Variants in PLCB1 observed in about 807,000 individuals in gnomAD.
PLCB1 encodes the protein phospholipase C beta 1.
Under a neutral mutation model 161.8 loss-of-function variants are expected in PLCB1, and 46 were observed. That is an observed-to-expected ratio of 0.28 (90% CI 0.22 to 0.36). PLCB1 has a LOEUF of 0.36. PLCB1 is among the 10% of genes least tolerant of loss of function. The pLI, the probability that PLCB1 is intolerant of heterozygous loss-of-function variation, is 1.00. For synonymous variants in PLCB1, 517 were observed against 503.7 expected (o/e 1.03, Z -0.35); for missense variants, 1,016 against 1,472.5 (o/e 0.69, Z 5.07).
At chr20:8,236,987 GA>G (rs1187498792) in intron 2 of PLCB1, among the ~76,000 whole-genome samples, 1 of 152,028 alleles carries the variant, frequency 6.6e-6, no homozygotes, top group Non-Finnish European at 1.5e-5. Context: ...TGACAGTGGG[GA>G]GGTTAAATAC....
chr20:8,714,119 A>C (rs1979170684), intron 12 of PLCB1, among the ~76,000 whole-genome samples: 1 of 152,042 alleles, frequency 6.6e-6, no homozygotes, highest in South Asian at 2.1e-4. Context: ...AATCAATCGC[A>C]GTGGTTTTCA....
intron 2 of PLCB1, among the ~76,000 whole-genome samples, chr20:8,271,601 T>C (rs1349136438): frequency 6.6e-6 from 1 of 152,122 alleles, no homozygotes; most frequent in Non-Finnish European, 1.5e-5. Flanking sequence ...GTAGCACATA[T>C]ATAATAGCTG....
At chr20:8,881,089 C>T (rs1473791020) in intron 31 of PLCB1, 2 of 169,210 alleles carry the variant, frequency 1.2e-5, no homozygotes, top group Admixed American at 5.7e-5. Flanking sequence ...TGGTCTTAAA[C>T]TCCTGACCTC....
intron 2 of PLCB1, among the ~76,000 whole-genome samples, chr20:8,242,481 C>T (rs1332503317): frequency 6.6e-6 from 1 of 151,926 alleles, no homozygotes; most frequent in Non-Finnish European, 1.5e-5. Context: ...CTAAGGAGTA[C>T]TTAAAGGCCA....
chr20:8,240,300 ACACACG>A (rs1395234313), intron 2 of PLCB1, among the ~76,000 whole-genome samples: 2 of 117,292 alleles, frequency 1.7e-5, no homozygotes, highest in Non-Finnish European at 3.8e-5. Flanking sequence ...ACACACACAC[ACACACG>A]CACACACACA....
chr20:8,728,005 G>A (rs1426078135), intron 17 of PLCB1, among the ~76,000 whole-genome samples: 1 of 151,948 alleles, frequency 6.6e-6, no homozygotes, highest in Non-Finnish European at 1.5e-5. Context: ...ATCACAAAGT[G>A]CTCAATTTCA....
At position 8,458,554 on chromosome 20, in the gene PLCB1, C is replaced by T. The variant is rs139710469; in HGVS notation, c.246+87104C>T. On this transcript the variant is annotated intron_variant, in intron 3 of 31. Coordinates refer to ENST00000338037, the MANE Select transcript of PLCB1 (RefSeq NM_015192.4). ...CATACTTCTTTGCAACAAGAAATTG[C>T]CCAGGCCTTCACTCTTAACCACTAT... Among the ~76,000 whole-genome samples the T allele has an allele frequency of 2.1e-3, 314 of 152,282 alleles. 5 individuals carry two copies. In the East Asian group the frequency reaches 0.052, roughly 25 times the overall value.
chr20:8,873,450 ACATT>A (rs1987674112), intron 31 of PLCB1, among the ~76,000 whole-genome samples: 2 of 152,164 alleles, frequency 1.3e-5, no homozygotes, highest in Admixed American at 1.3e-4. Context: ...ACTGTATCCC[ACATT>A]CAGAGTTCTA....
rs367812606 is a variant in PLCB1, at chr20:8,492,172, A to C, written c.246+120722A>C. Reference sequence around the variant, plus strand: ...AGTTTTAATAAATGGTTGCTTTGCCAACCATTTTTTTTTTTTCAACCAGCC... The same window carrying C: ...AGTTTTAATAAATGGTTGCTTTGCCCACCATTTTTTTTTTTTCAACCAGCC... On this transcript the variant is annotated intron_variant, in intron 3 of 31. Coordinates refer to ENST00000338037, the MANE Select transcript of PLCB1 (RefSeq NM_015192.4). 9.7e-5 allele frequency among the ~76,000 whole-genome samples: 14 copies of C among 144,818 alleles called. No homozygotes were observed. The East Asian group carries it at 2.7e-3, about 28-fold the overall frequency.
intron 18 of PLCB1, among the ~76,000 whole-genome samples, chr20:8,730,197 G>C (rs556185514): frequency 6.6e-6 from 1 of 151,896 alleles, no homozygotes; most frequent in Admixed American, 6.6e-5. Flanking sequence ...TGGTTTACTT[G>C]TATGATTACA....
intron 24 of PLCB1, among the ~76,000 whole-genome samples, chr20:8,759,644 G>A (rs777567945): frequency 3.3e-5 from 5 of 152,056 alleles, no homozygotes; most frequent in Non-Finnish European, 5.9e-5. Context: ...GGGATTACAG[G>A]CGTGCACCAT....
At chr20:8,265,450 A>T (rs915743427) in intron 2 of PLCB1, among the ~76,000 whole-genome samples, 1 of 152,186 alleles carries the variant, frequency 6.6e-6, no homozygotes, top group African/African-American at 2.4e-5. Flanking sequence ...GATCATGTCT[A>T]ACTGAACACA....
intron 3 of PLCB1, among the ~76,000 whole-genome samples, chr20:8,384,714 T>G (rs900359342): frequency 6.6e-6 from 1 of 152,184 alleles, no homozygotes; most frequent in Admixed American, 6.5e-5. Context: ...TTTGTGGGGA[T>G]TTTTTGTTGT....
chr20:8,472,796 C>T (rs1166752555), intron 3 of PLCB1, among the ~76,000 whole-genome samples: 4 of 152,084 alleles, frequency 2.6e-5, no homozygotes, highest in Non-Finnish European at 5.9e-5. Flanking sequence ...AAGATAGGGA[C>T]CAGGAAGGTC....
At chr20:8,308,779 C>G (rs559412371) in intron 2 of PLCB1, among the ~76,000 whole-genome samples, 18 of 151,924 alleles carry the variant, frequency 1.2e-4, no homozygotes, top group Non-Finnish European at 2.5e-4. Context: ...TCAGTGCTCT[C>G]TCAGTACTTT....
intron 2 of PLCB1, among the ~76,000 whole-genome samples, chr20:8,272,195 A>C (rs1026160772): frequency 2.0e-5 from 3 of 152,132 alleles, no homozygotes. Flanking sequence ...AAGAACAGTT[A>C]ACTAAGAATA....
At chr20:8,427,094 A>G (rs1024314104) in intron 3 of PLCB1, among the ~76,000 whole-genome samples, 1 of 152,074 alleles carries the variant, frequency 6.6e-6, no homozygotes, top group Non-Finnish European at 1.5e-5. Context: ...TATTTTTGGT[A>G]GAGATGGGGT....
intron 3 of PLCB1, among the ~76,000 whole-genome samples, chr20:8,615,719 G>A (rs995333833): frequency 6.6e-6 from 1 of 152,184 alleles, no homozygotes; most frequent in Non-Finnish European, 1.5e-5. Context: ...AGGAGCACGT[G>A]TAACAAATTT....
At chr20:8,873,323 A>G (rs6108207) in intron 31 of PLCB1, among the ~76,000 whole-genome samples, 1,614 of 152,268 alleles carry the variant, frequency 0.011, 24 homozygotes, top group African/African-American at 0.037. Flanking sequence ...CATTCATTCT[A>G]TGAATGTATG....
Sources: allele counts gnomAD v4.1 joint callset (sites outside exome capture counted in the v4.1 genomes callset), GRCh38; gene constraint gnomAD v4.1.1; transcripts MANE v1.5; gene names NCBI Gene and HGNC (gene_info 2026-07-23, HGNC 2026-07-21).